Variants in MAF observed in about 807,000 individuals in gnomAD.
MAF encodes MAF bZIP transcription factor.
A neutral mutation model predicts 22.0 loss-of-function variants in MAF; 10 were observed. That is an observed-to-expected ratio of 0.45 (90% CI 0.28 to 0.77). MAF has a LOEUF of 0.77. Among genes scored for constraint, MAF ranks in the 30% least tolerant of loss-of-function variants. The pLI, the probability that MAF is intolerant of heterozygous loss-of-function variation, is 0.12. For synonymous variants in MAF, 337 were observed against 255.8 expected, an observed-to-expected ratio of 1.32 and a Z score of -3.03; for missense variants, 544 against 548.4, an observed-to-expected ratio of 0.99 and a Z score of 0.08.
the MAF span, among the ~76,000 whole-genome samples, chr16:79,504,602 A>G: frequency 1.3e-5 from 2 of 152,192 alleles, no homozygotes; most frequent in South Asian, 4.2e-4. Context: ...TGGATGGATA[A>G]ATGGATAGAG....
At chr16:79,480,709 T>G in the MAF span, among the ~76,000 whole-genome samples, 2 of 151,986 alleles carry the variant, frequency 1.3e-5, no homozygotes, top group African/African-American at 2.4e-5. Flanking sequence ...GGCCTGGAGG[T>G]GTGGGGTCAG....
the MAF span, among the ~76,000 whole-genome samples, chr16:79,250,277 C>T: frequency 6.6e-6 from 1 of 152,194 alleles, no homozygotes; most frequent in African/African-American, 2.4e-5. Flanking sequence ...GGAGGCCATC[C>T]AAACAAAAGA....
At chr16:79,364,062 TTAATTTA>T in the MAF span, among the ~76,000 whole-genome samples, 1 of 152,190 alleles carries the variant, frequency 6.6e-6, no homozygotes, top group East Asian at 1.9e-4. Context: ...AGCTGCTACT[TTAATTTA>T]ATCCTTGTCT....
At chr16:79,207,142 C>G in the MAF span, among the ~76,000 whole-genome samples, 2 of 152,152 alleles carry the variant, frequency 1.3e-5, no homozygotes, top group African/African-American at 2.4e-5. Context: ...GACATGAGGG[C>G]TCACCCCCTC....
At chr16:79,450,209 C>A in the MAF span, among the ~76,000 whole-genome samples, 1 of 152,318 alleles carries the variant, frequency 6.6e-6, no homozygotes, top group East Asian at 1.9e-4. Context: ...AACCCGCTTG[C>A]ATTCTCATAG....
chr16:79,310,181 T>C, the MAF span, among the ~76,000 whole-genome samples: 58 of 152,332 alleles, frequency 3.8e-4, no homozygotes, highest in Admixed American at 1.0e-3. Flanking sequence ...AGCCACCCTT[T>C]TGTGCATGAG....
chr16:79,267,438 T>C, the MAF span, among the ~76,000 whole-genome samples: 5 of 152,072 alleles, frequency 3.3e-5, no homozygotes, highest in African/African-American at 1.2e-4. Context: ...GTGTGTGGTA[T>C]GGGAAAGGAG....
chr16:79,411,266 G>A, the MAF span, among the ~76,000 whole-genome samples: 1 of 152,140 alleles, frequency 6.6e-6, no homozygotes, highest in East Asian at 1.9e-4. Flanking sequence ...TTCAAGACAG[G>A]TGCTCAGTAA....
chr16:79,504,883 G>A, the MAF span, among the ~76,000 whole-genome samples: 4 of 152,040 alleles, frequency 2.6e-5, no homozygotes, highest in South Asian at 2.1e-4. Context: ...TGCCTTGTAC[G>A]AACACACACA....
the MAF span, among the ~76,000 whole-genome samples, chr16:79,527,711 T>A: frequency 6.6e-6 from 1 of 152,084 alleles, no homozygotes; most frequent in African/African-American, 2.4e-5. Context: ...GGGGTGGTGA[T>A]GTGTAGGAAG....
At chr16:79,457,552 T>A in the MAF span, among the ~76,000 whole-genome samples, 1 of 152,140 alleles carries the variant, frequency 6.6e-6, no homozygotes, top group Admixed American at 6.5e-5. Flanking sequence ...ATGCTGACAA[T>A]AGTGGAGCTA....
the MAF span, among the ~76,000 whole-genome samples, chr16:79,422,570 T>A: frequency 0.41 from 61,567 of 151,920 alleles, 12,879 homozygotes; most frequent in East Asian, 0.72. Flanking sequence ...CATGCACTTC[T>A]GGGGTTTAGC....
At chr16:79,476,206 G>A in the MAF span, among the ~76,000 whole-genome samples, 1 of 152,116 alleles carries the variant, frequency 6.6e-6, no homozygotes, top group African/African-American at 2.4e-5. Context: ...AAAAGACCTG[G>A]AGCCAGAGAT....
the MAF span, among the ~76,000 whole-genome samples, chr16:79,462,925 C>T: frequency 6.6e-6 from 1 of 152,144 alleles, no homozygotes; most frequent in Non-Finnish European, 1.5e-5. Context: ...TATTGCTTAG[C>T]ATTATGAAGT....
At chr16:79,505,284 C>T in the MAF span, among the ~76,000 whole-genome samples, 2 of 152,144 alleles carry the variant, frequency 1.3e-5, no homozygotes, top group African/African-American at 4.8e-5. Flanking sequence ...GGATTTCATT[C>T]CCTGCCCCAG....
chr16:79,444,103 G>A, the MAF span, among the ~76,000 whole-genome samples: 2 of 151,892 alleles, frequency 1.3e-5, no homozygotes, highest in Non-Finnish European at 2.9e-5. Context: ...ATTATGTAGG[G>A]AAAAATCATG....
At chr16:79,376,360 G>T in the MAF span, among the ~76,000 whole-genome samples, 1 of 151,886 alleles carries the variant, frequency 6.6e-6, no homozygotes, top group Non-Finnish European at 1.5e-5. Context: ...AATAAATGGA[G>T]TTTCATTATT....
the MAF span, among the ~76,000 whole-genome samples, chr16:79,225,718 G>T: frequency 5.3e-5 from 8 of 152,142 alleles, no homozygotes; most frequent in African/African-American, 1.7e-4. Flanking sequence ...AGTGGGCAAA[G>T]GATATAAACA....
At chr16:79,595,124 GA>G (rs377383083) in intron 1 of MAF, 160,142 of 830,138 alleles carry the variant, frequency 0.19, 1,254 homozygotes, top group South Asian at 0.26. Flanking sequence ...TTGTGATGAG[GA>G]AAAAAAAAAA....
Sources: gnomAD v4.1 joint callset for allele counts (sites outside exome capture counted in the v4.1 genomes callset) on GRCh38, gnomAD v4.1.1 for gene constraint, MANE v1.5 for transcripts, NCBI Gene and HGNC (gene_info 2026-07-23, HGNC 2026-07-21) for gene names.